Variants in ATE1 observed in about 807,000 individuals in gnomAD.
ATE1 encodes the protein arginyl-tRNA--protein transferase 1.
A neutral mutation model predicts 70.5 loss-of-function variants in ATE1; 36 were observed. The ratio of observed to expected loss-of-function variants is 0.51; its 90% CI spans 0.39 to 0.67. ATE1 has a LOEUF of 0.67. Ranked by LOEUF, ATE1 falls within the 30% of genes least tolerant of loss-of-function variation. The pLI is 0.00. For synonymous variants in ATE1, 232 were observed against 219.3 expected (o/e 1.06, Z -0.51); for missense variants, 593 against 629.5 (o/e 0.94, Z 0.62).
chr10:121,762,453 G>A (rs1332014824), intron 11 of ATE1, among the ~76,000 whole-genome samples: 3 of 152,136 alleles, frequency 2.0e-5, no homozygotes, highest in Admixed American at 1.3e-4. Context: ...TACACTGGCC[G>A]CTTCACTGTA....
chr10:121,899,822 G>A, intron 7 of ATE1, 44 bp downstream of exon 7: 4 of 1,585,850 alleles, frequency 2.5e-6, no homozygotes, highest in Non-Finnish European at 3.4e-6. Flanking sequence ...TAAGTGGAAG[G>A]GAAAGCTCTG....
intron 3 of ATE1, among the ~76,000 whole-genome samples, chr10:121,921,630 C>T (rs2134594717): frequency 1.3e-5 from 2 of 152,104 alleles, no homozygotes; most frequent in South Asian, 4.2e-4. Context: ...TGCCTGGGCA[C>T]CATAGTGAAG....
rs1944209096 is a variant in ATE1 at position 121,743,360 on chromosome 10, T to C, written c.*320A>G. ...AACCAAAAAAAATGCACAACTGTGA[T>C]TAAGTTACTTAGATTCACTTCTTCA... On this transcript the variant is annotated 3_prime_UTR_variant, in exon 12 of 12. Coordinates refer to ENST00000224652, the MANE Select transcript of ATE1 (RefSeq NM_001001976.3). The C allele has an allele frequency of 4.3e-6, 1 of 235,082 alleles. No homozygotes were observed. The highest frequency in any genetic ancestry group is 7.4e-6 in the Non-Finnish European group (1 of 134,428). The allele number at this position is 235,082 out of a possible 1,614,324, so 14.6% of individuals were successfully genotyped here. A position where few individuals can be genotyped will look rare whatever the true frequency, so the allele number is the denominator to read the frequency against.
intron 9 of ATE1, among the ~76,000 whole-genome samples, chr10:121,837,194 A>G (rs929279680): frequency 2.0e-5 from 3 of 152,220 alleles, no homozygotes; most frequent in African/African-American, 7.2e-5. Context: ...TAGAAAACTC[A>G]AAAGCCAATA....
chr10:121,916,295 T>C (rs557692587), intron 3 of ATE1, among the ~76,000 whole-genome samples: 1 of 152,008 alleles, frequency 6.6e-6, no homozygotes, highest in South Asian at 2.1e-4. Context: ...CAGACAAAGG[T>C]ATGAGGATCA....
At chr10:121,789,296 C>CTTTTTT (rs3036893) in intron 11 of ATE1, among the ~76,000 whole-genome samples, 2,765 of 92,550 alleles carry the variant, frequency 0.03, 245 homozygotes, top group East Asian at 0.11. Flanking sequence ...CAGGGCTATG[C>CTTTTTT]TTTTTTTTTT....
In ATE1 at chr10:121,768,588, C is replaced by G. The variant is rs146039626; in HGVS notation, c.1378+21581G>C. On this transcript the variant is annotated intron_variant, in intron 11 of 11. Coordinates refer to ENST00000224652, the MANE Select transcript of ATE1 (RefSeq NM_001001976.3). ...CCCTAAGACCAGTTTCACTGAGGAG[C>G]TGCTGAAACGACCTGCTGTGACTCT... Among the ~76,000 whole-genome samples the G allele has an allele frequency of 5.6e-3, 851 of 152,244 alleles. 6 individuals are homozygous for G. The highest frequency in any genetic ancestry group is 0.014 in the Middle Eastern group (4 of 294).
intron 10 of ATE1, among the ~76,000 whole-genome samples, chr10:121,804,722 CTTT>C (rs148382329): frequency 5.2e-5 from 7 of 133,970 alleles, no homozygotes; most frequent in African/African-American, 5.4e-5. Context: ...ATTCTAGCAA[CTTT>C]TTTTTTTTTT....
intron 10 of ATE1, among the ~76,000 whole-genome samples, chr10:121,829,228 T>A (rs1948140293): frequency 6.6e-6 from 1 of 151,930 alleles, no homozygotes; most frequent in Non-Finnish European, 1.5e-5. Flanking sequence ...ATCGAGACCA[T>A]CCTGGCCAAC....
intron 11 of ATE1, among the ~76,000 whole-genome samples, chr10:121,766,399 A>G (rs953453606): frequency 4.6e-5 from 7 of 152,174 alleles, no homozygotes; most frequent in Admixed American, 3.9e-4. Flanking sequence ...CCTACTAAGT[A>G]CAACTGGAAA....
At chr10:121,919,050 C>T (rs534949574) in intron 3 of ATE1, among the ~76,000 whole-genome samples, 3 of 150,190 alleles carry the variant, frequency 2.0e-5, no homozygotes, top group Non-Finnish European at 4.5e-5. Context: ...GTAAAATGGA[C>T]CAATCAGCAG....
At chr10:121,745,879 T>C (rs1251779538) in intron 11 of ATE1, among the ~76,000 whole-genome samples, 1 of 152,136 alleles carries the variant, frequency 6.6e-6, no homozygotes, top group Admixed American at 6.6e-5. Context: ...AGTTAAGGTA[T>C]ATCCACAGAA....
At chr10:121,928,426 C>T (rs926558199), upstream of ATE1, 6 of 1,520,600 alleles carry the variant, frequency 3.9e-6, no homozygotes, top group African/African-American at 8.7e-5. Flanking sequence ...CCACCACCGA[C>T]GCCATGGCCG....
intron 11 of ATE1, among the ~76,000 whole-genome samples, chr10:121,785,807 CAA>C (rs1946181465): frequency 6.6e-6 from 1 of 151,904 alleles, no homozygotes; most frequent in Non-Finnish European, 1.5e-5. Flanking sequence ...CTCTTTATAG[CAA>C]ATTTAAATTT....
At chr10:121,817,760 C>T (rs1360901877) in intron 10 of ATE1, among the ~76,000 whole-genome samples, 1 of 151,888 alleles carries the variant, frequency 6.6e-6, no homozygotes, top group Non-Finnish European at 1.5e-5. Flanking sequence ...AGAGTCAAGC[C>T]ATCAGTTAAG....
chr10:121,851,006 G>A (rs1381476166), intron 8 of ATE1, among the ~76,000 whole-genome samples: 2 of 141,624 alleles, frequency 1.4e-5, no homozygotes, highest in East Asian at 4.2e-4. Flanking sequence ...CAGGAGAATG[G>A]CGTGAACCTG....
chr10:121,860,160 T>G (rs34152748), intron 8 of ATE1, among the ~76,000 whole-genome samples: 27,141 of 152,114 alleles, frequency 0.18, 3,163 homozygotes, highest in Non-Finnish European at 0.25. Flanking sequence ...TTGGCTAAGT[T>G]CACTTAGTTT....
At chr10:121,848,862 G>A (rs1177795660) in intron 8 of ATE1, among the ~76,000 whole-genome samples, 3 of 151,556 alleles carry the variant, frequency 2.0e-5, no homozygotes, top group African/African-American at 7.3e-5. Flanking sequence ...AGTGAACCAG[G>A]ATCACGCCAC....
intron 11 of ATE1, among the ~76,000 whole-genome samples, chr10:121,756,299 T>C (rs748829539): frequency 1.6e-4 from 24 of 152,172 alleles, no homozygotes; most frequent in Non-Finnish European, 2.6e-4. Context: ...CTTTTCAGGG[T>C]ATAGCCTCCC....
Sources: gnomAD v4.1 joint callset for allele counts (sites outside exome capture counted in the v4.1 genomes callset) on GRCh38, gnomAD v4.1.1 for gene constraint, MANE v1.5 for transcripts, NCBI Gene and HGNC (gene_info 2026-07-23, HGNC 2026-07-21) for gene names.